WDR18: variants seen among roughly 807,000 people sequenced by gnomAD.
WDR18 encodes the protein WD repeat domain 18, also known as WD repeat-containing protein 18.
WDR18 carries 33 observed loss-of-function variants against 49.6 expected under a neutral mutation model. The ratio of observed to expected loss-of-function variants is 0.67; its 90% confidence interval spans 0.50 to 0.89. WDR18 has a LOEUF of 0.89. WDR18 is among the 40% of genes least tolerant of loss of function. The probability of loss-of-function intolerance (pLI) is 0.00; values close to 1 mark genes in which losing one functional copy is unlikely to be tolerated. For synonymous variants in WDR18, 315 were observed against 263.6 expected (o/e 1.19, Z -1.89); for missense variants, 653 against 593.6 (o/e 1.10, Z -1.04).
intron 1 of WDR18, among the ~76,000 whole-genome samples, chr19:984,880 A>T (rs1459687294): frequency 6.6e-6 from 1 of 152,096 alleles, no homozygotes; most frequent in Non-Finnish European, 1.5e-5. Context: ...TTTGATTAAA[A>T]GGGGCCTATG....
At position 990,993 on chromosome 19, in the gene WDR18, T is replaced by G. The variant is rs1412698002; in HGVS notation, c.739T>G (p.Trp247Gly). The change falls in exon 5 of 10, where the codon TGG (tryptophan) becomes GGG (glycine). Residue 247 changes from tryptophan to glycine, a missense_variant and splice_region_variant. Trp to Gly is a radical substitution (Grantham distance 184). Transcript: ENST00000585809. ...GSIFQVDLFT[W>G]PGQRERSFHP... ...CATCTTCCAGGTCGACCTCTTCACC[T>G]GGGTGAGTGCCGCGGTCTGCGGGCT... 1.2e-6 allele frequency: 2 copies of G among 1,607,688 alleles called. No homozygotes were observed. Among genetic ancestry groups the G allele is most frequent in the South Asian group, 2.2e-5 (2 of 90,252 alleles).
chr19:985,713 ACCATGCATTTGCTC>A, intron 1 of WDR18, 138 bp from the exon 2 acceptor site: 1 of 641,374 alleles, frequency 1.6e-6, no homozygotes, highest in Non-Finnish European at 2.8e-6. Flanking sequence ...TCCTTGCTGG[ACCATGCATTTGCTC>A]AAACCACCCT....
chr19:994,269 G>C lies in WDR18; in HGVS notation c.1224G>C (p.Glu408Asp). ...LRVRVTELEDEVRNLRKINRD... is the reference protein window; with the variant it reads ...LRVRVTELEDDVRNLRKINRD... ...TCCGTGTGACGGAGCTGGAGGACGA[G>C]GTGCGCAACCTGCGCAAGATCAATC... The change falls in exon 10 of 10, where the codon GAG becomes GAC. Residue 408 changes from glutamate (E) to aspartate (D), a missense_variant. Glu to Asp is a conservative substitution (Grantham distance 45, BLOSUM62 2). Transcript: ENST00000585809. The C allele has an allele frequency of 6.2e-7, 1 of 1,609,920 alleles. No homozygotes were observed. Among genetic ancestry groups the C allele is most frequent in the South Asian group, 1.1e-5 (1 of 90,690 alleles).
chr19:985,674 C>A (rs2038467196), intron 1 of WDR18, among the ~76,000 whole-genome samples, 191 bp from the exon 2 acceptor site: 1 of 152,160 alleles, frequency 6.6e-6, no homozygotes, highest in Admixed American at 6.5e-5. Flanking sequence ...CCACCTCCAG[C>A]CTCGAAGCCT....
At position 992,040 on chromosome 19, in the gene WDR18, C is replaced by T; in HGVS notation, c.1017C>T (p.Phe339=). The T allele has an allele frequency of 3.8e-6, 6 of 1,591,222 alleles. No homozygotes were observed. Among genetic ancestry groups the T allele is most frequent in the Non-Finnish European group, 5.1e-6 (6 of 1,172,936 alleles). ...DFRPSLPLPH[F]NKHLLGAEHG... Reference sequence around the variant, plus strand: ...GGCCCAGCCTGCCGCTGCCCCACTTCAACAAGCACCTGCTGGGCGCCGAGC... The same window carrying T: ...GGCCCAGCCTGCCGCTGCCCCACTTTAACAAGCACCTGCTGGGCGCCGAGC... Residue 339 remains phenylalanine, a synonymous_variant, in exon 8 of 10, where the codon TTC becomes TTT. Coordinates refer to ENST00000585809, the MANE Select transcript of WDR18 (RefSeq NM_024100.4).
chr19:994,241 G>T lies in WDR18; in HGVS notation c.1196G>T (p.Arg399Leu), dbSNP rs756233263. ...KSVLGGQDQL[R>L]VRVTELEDEV... is the part of the protein sequence containing the mutation. ...GTGCTCGGCGGCCAGGACCAGCTGC[G>T]CGTCCGTGTGACGGAGCTGGAGGAC... The change falls in exon 10 of 10, where the codon CGC becomes CTC. Residue 399 changes from arginine to leucine, a missense_variant. Transcript: ENST00000585809. 1.2e-6 allele frequency: 2 copies of T among 1,606,876 alleles called. No individual in the cohort carries two copies. Among genetic ancestry groups the T allele is most frequent in the South Asian group, 2.2e-5 (2 of 90,258 alleles).
chr19:989,701 G>GC (rs2038518891), intron 2 of WDR18, 61 bp from the exon 3 acceptor site: 5 of 1,598,666 alleles, frequency 3.1e-6, no homozygotes, highest in East Asian at 2.2e-5. Flanking sequence ...TGGGGCTGCA[G>GC]CCCCCCTTTC....
Position 991,014 on chromosome 19 carries a change from G to A in WDR18, c.741+19G>A, listed in dbSNP as rs1030361025. 7.5e-6 allele frequency: 12 copies of A among 1,602,084 alleles called. No homozygotes were observed. In the Admixed American group the frequency reaches 1.9e-4, roughly 25 times the overall value. On this transcript the variant is annotated intron_variant, in intron 5 of 9. Transcript: ENST00000585809. ...CACCTGGGTGAGTGCCGCGGTCTGC[G>A]GGCTGCACCCTGCCCTGGGGCTGAG...
rs748332581 is a variant in WDR18, at chr19:992,077, C to T, written c.1054C>T (p.Pro352Ser). ...GCTGGGCGCCGAGCACGGGGACGAG[C>T]CGCGCCACGGGGGCCTCACTCTGCG... ...HLLGAEHGDEPRHGGLTLRLG... is the reference protein window; with the variant it reads ...HLLGAEHGDESRHGGLTLRLG... The change falls in exon 8 of 10, where the codon CCG becomes TCG. Residue 352 changes from proline (P) to serine (S), a missense_variant. Coordinates refer to ENST00000585809, the MANE Select transcript of WDR18 (RefSeq NM_024100.4). The T allele has an allele frequency of 1.5e-5, 23 of 1,558,476 alleles. No homozygotes were observed. The highest frequency in any genetic ancestry group is 4.8e-5 in the East Asian group (2 of 41,244).
chr19:984,673 G>GGAGGT (rs2038456576), intron 1 of WDR18, 110 bp downstream of exon 1: 1 of 1,163,526 alleles, frequency 8.6e-7, no homozygotes, highest in Non-Finnish European at 1.1e-6. Context: ...CGTGGGGAGG[G>GGAGGT]GAGGTGGTCT....
chr19:986,166 G>T (rs2038472650), intron 2 of WDR18, among the ~76,000 whole-genome samples, 191 bp downstream of exon 2: 1 of 152,192 alleles, frequency 6.6e-6, no homozygotes, highest in Admixed American at 6.5e-5. Flanking sequence ...TCCCAGACCA[G>T]CCCTAATCCT....
Position 984,495 on chromosome 19 carries a change from A to C in WDR18, c.142A>C (p.Asn48His). ...QAGPRGLALL[N>H]GEYLLAAQLG... is the part of the protein sequence containing the mutation. ...GGGACCCCGCGGCCTGGCGCTGCTC[A>C]ATGGCGAGTATCTGCTGGCGGCGCA... The change falls in exon 1 of 10, where the codon AAT (asparagine) becomes CAT (histidine). Residue 48 changes from asparagine to histidine, a missense_variant. Coordinates refer to ENST00000585809, the MANE Select transcript of WDR18 (RefSeq NM_024100.4). 6.4e-7 allele frequency: 1 copy of C among 1,560,458 alleles called. No homozygotes were observed. Among genetic ancestry groups the C allele is most frequent in the Non-Finnish European group, 8.7e-7 (1 of 1,155,746 alleles).
chr19:992,708 C>T lies in WDR18; in HGVS notation c.1098+587C>T, dbSNP rs556297835. Among the ~76,000 whole-genome samples, 29 of 152,314 alleles carry T rather than the reference C, an allele frequency of 1.9e-4. No homozygotes were observed. The South Asian group carries it at 6.0e-3, about 32-fold the overall frequency. ...CACTTCCCACCCCAGCCCCAAGACCCTCATAGAAGCCAGTGTGGTTGGCTG... is the reference window on the plus strand; with the variant it reads ...CACTTCCCACCCCAGCCCCAAGACCTTCATAGAAGCCAGTGTGGTTGGCTG... On this transcript the variant is annotated intron_variant, in intron 8 of 9. Coordinates refer to ENST00000585809, the MANE Select transcript of WDR18 (RefSeq NM_024100.4).
chr19:990,464 C>A, intron 4 of WDR18, 100 bp downstream of exon 4: 1 of 1,399,968 alleles, frequency 7.1e-7, no homozygotes, highest in South Asian at 1.5e-5. Context: ...TCCCTGCTGT[C>A]AGGACTCCAG....
intron 2 of WDR18, among the ~76,000 whole-genome samples, chr19:989,425 C>T (rs141144214): frequency 3.3e-5 from 5 of 152,160 alleles, no homozygotes; most frequent in African/African-American, 9.7e-5. Flanking sequence ...GCCGTTCCTA[C>T]GGGGCCCACA....
In WDR18 at chr19:991,361, C is replaced by G. The variant is rs190264646; in HGVS notation, c.931+10C>G. The G allele has an allele frequency of 0.016, 24,887 of 1,545,776 alleles. 227 individuals are homozygous for G. Among genetic ancestry groups the G allele is most frequent in the Non-Finnish European group, 0.019 (21,879 of 1,145,220 alleles). On this transcript the variant is annotated intron_variant, in intron 7 of 9. Transcript: ENST00000585809. ...ACGGTGGCCCTCAAAGGTGGGCGCGCCTCTGCTCGGCCCGCGGCCAGCGCG... is the reference window on the plus strand; with the variant it reads ...ACGGTGGCCCTCAAAGGTGGGCGCGGCTCTGCTCGGCCCGCGGCCAGCGCG...
At chr19:987,829 G>GTTTTTTTTTTTTTTTTTTTTTTGTT (rs2038490902) in intron 2 of WDR18, among the ~76,000 whole-genome samples, 1 of 91,822 alleles carries the variant, frequency 1.1e-5, no homozygotes, top group Non-Finnish European at 2.0e-5. Context: ...GCCGCCTCCA[G>GTTTTTTTTTTTTTTTTTTTTTTGTT]TTTTTTTTTT....
intron 4 of WDR18, 194 bp downstream of exon 4, chr19:990,558 T>TCTGGCCCGGCTCC (rs1455411644): frequency 5.0e-5 from 47 of 943,918 alleles, no homozygotes; most frequent in Non-Finnish European, 6.9e-5. Context: ...ATTCACCGTT[T>TCTGGCCCGGCTCC]CTGGCCCGGC....
chr19:990,648 G>A (rs560078337), intron 4 of WDR18: 13 of 840,398 alleles, frequency 1.5e-5, no homozygotes, highest in East Asian at 2.9e-5. Context: ...AGAACCAGGG[G>A]TCATCAGCCG....
Sources: gnomAD v4.1 joint callset for allele counts (sites outside exome capture counted in the v4.1 genomes callset) on GRCh38, gnomAD v4.1.1 for gene constraint, MANE v1.5 for transcripts, NCBI Gene and HGNC (gene_info 2026-07-23, HGNC 2026-07-21) for gene names.